Variants in VIRMA observed in about 807,000 individuals in gnomAD.
The protein encoded by VIRMA is vir like m6A methyltransferase associated.
VIRMA carries 65 observed loss-of-function variants against 182.4 expected under a neutral mutation model. The observed-to-expected ratio is 0.36, with a 90% CI of 0.29 to 0.44. The LOEUF (loss-of-function observed/expected upper bound fraction) is 0.44. Ranked by LOEUF, VIRMA falls within the 20% of genes least tolerant of loss-of-function variation. The probability of loss-of-function intolerance (pLI) is 1.00; values close to 1 mark genes in which losing one functional copy is unlikely to be tolerated. For synonymous variants in VIRMA, 709 were observed against 743.1 expected, an observed-to-expected ratio of 0.95 and a Z score of 0.75; for missense variants, 1,752 against 2,158.1, an observed-to-expected ratio of 0.81 and a Z score of 3.73.
At chr8:94,503,410 T>TA (rs1814057627) in intron 16 of VIRMA, among the ~76,000 whole-genome samples, 1 of 152,156 alleles carries the variant, frequency 6.6e-6, no homozygotes, top group South Asian at 2.1e-4. Context: ...CTCTGTAATA[T>TA]CCCTATCAAC....
intron 16 of VIRMA, among the ~76,000 whole-genome samples, chr8:94,500,945 T>G (rs1203443998): frequency 6.6e-6 from 1 of 151,914 alleles, no homozygotes; most frequent in African/African-American, 2.4e-5. Context: ...AGATATAATT[T>G]TTTAAAAAAT....
chr8:94,507,400 G>T (rs1282167046), intron 15 of VIRMA, among the ~76,000 whole-genome samples: 1 of 151,578 alleles, frequency 6.6e-6, no homozygotes, highest in African/African-American at 2.4e-5. Flanking sequence ...CTCCCAAAGT[G>T]CTGGGATTAC....
At chr8:94,551,204 A>G (rs529189904) in intron 1 of VIRMA, among the ~76,000 whole-genome samples, 164 of 152,370 alleles carry the variant, frequency 1.1e-3, no homozygotes, top group African/African-American at 3.4e-3. Context: ...GACCAAGTTC[A>G]TAAGCCAAAC....
intron 16 of VIRMA, among the ~76,000 whole-genome samples, chr8:94,500,226 C>T (rs537068223): frequency 1.3e-5 from 2 of 151,800 alleles, no homozygotes; most frequent in East Asian, 1.9e-4. Flanking sequence ...AGTAAAATCC[C>T]GTCTCTACTA....
rs6150715 is a variant in VIRMA at position 94,500,052 on chromosome 8, C to CAA, written c.4098-548_4098-547dup. Among the ~76,000 whole-genome samples, 170 of 82,400 alleles carry CAA rather than the reference C, an allele frequency of 2.1e-3. 2 individuals are homozygous for CAA. The highest frequency in any genetic ancestry group is 5.7e-3 in the African/African-American group (126 of 22,130). 54.1% of individuals were successfully genotyped at this position (82,400 alleles called of 152,430 possible). On this transcript the variant is annotated intron_variant, in intron 16 of 23. Coordinates refer to ENST00000297591, the MANE Select transcript of VIRMA (RefSeq NM_015496.5). Reference sequence around the variant, plus strand: ...TGAAGGACAGAGTGAGGCTTCATCTCAAAAAAAAAAAAAAAAAAAAAACTT... The same window carrying CAA: ...TGAAGGACAGAGTGAGGCTTCATCTCAAAAAAAAAAAAAAAAAAAAAAAACTT...
intron 8 of VIRMA, among the ~76,000 whole-genome samples, chr8:94,520,308 C>T (rs573099281): frequency 1.3e-5 from 2 of 151,616 alleles, no homozygotes; most frequent in Non-Finnish European, 2.9e-5. Flanking sequence ...CAGCCTTGAG[C>T]AATATAGTGA....
intron 23 of VIRMA, 27 bp downstream of exon 23, chr8:94,489,912 G>T: frequency 6.2e-7 from 1 of 1,606,820 alleles, no homozygotes; most frequent in Non-Finnish European, 8.5e-7. Context: ...CCTTCTCTCA[G>T]CAATATCAAG....
At position 94,488,643 on chromosome 8, in the gene VIRMA, T is replaced by C; in HGVS notation, c.*63A>G. The stretch of plus-strand genomic sequence containing the variant: ...TGCTAAGTCTAAATTGGTCCTTCAA[T>C]GTCTTATTTTTATTGTCCTCGTGAA... On this transcript the variant is annotated 3_prime_UTR_variant, in exon 24 of 24. Transcript: ENST00000297591. The C allele has an allele frequency of 6.6e-7, 1 of 1,506,670 alleles. No homozygotes were observed. Among genetic ancestry groups the C allele is most frequent in the Non-Finnish European group, 9.1e-7 (1 of 1,099,974 alleles). 93.3% of individuals were successfully genotyped at this position (1,506,670 alleles called of 1,614,324 possible).
chr8:94,513,198 C>T (rs1171895197), intron 11 of VIRMA, among the ~76,000 whole-genome samples: 3 of 151,926 alleles, frequency 2.0e-5, no homozygotes, highest in East Asian at 1.9e-4. Context: ...ATTAGCCAAG[C>T]GTGGTAGCAC....
chr8:94,514,955 A>G lies in VIRMA; in HGVS notation c.2669-4T>C. 1 of 1,449,018 alleles carries G rather than the reference A, an allele frequency of 6.9e-7. No individual in the cohort carries two copies. The highest frequency in any genetic ancestry group is 9.5e-7 in the Non-Finnish European group (1 of 1,055,986). The allele number at this position is 1,449,018 out of a possible 1,614,324, so 89.8% of individuals were successfully genotyped here. On this transcript the variant is annotated splice_polypyrimidine_tract_variant and splice_region_variant and intron_variant, in intron 10 of 23. Coordinates refer to ENST00000297591, the MANE Select transcript of VIRMA (RefSeq NM_015496.5). Reference sequence around the variant, plus strand: ...GGTTCAAGCCACTTGCCAAGTTCTTAAAAAGAAAAATAATTTATAATATTT... The same window carrying G: ...GGTTCAAGCCACTTGCCAAGTTCTTGAAAAGAAAAATAATTTATAATATTT...
intron 16 of VIRMA, among the ~76,000 whole-genome samples, chr8:94,502,785 A>C (rs1315486764): frequency 6.6e-6 from 1 of 152,104 alleles, no homozygotes; most frequent in Non-Finnish European, 1.5e-5. Flanking sequence ...ATTTTTTTTT[A>C]AGTCAGAGCT....
intron 22 of VIRMA, among the ~76,000 whole-genome samples, chr8:94,491,328 C>T (rs904277410): frequency 2.6e-5 from 4 of 151,490 alleles, no homozygotes; most frequent in African/African-American, 7.3e-5. Flanking sequence ...AAAAAAAGGC[C>T]GGGGGGAATA....
At chr8:94,541,407 A>G (rs750402313) in intron 2 of VIRMA, among the ~76,000 whole-genome samples, 1 of 152,008 alleles carries the variant, frequency 6.6e-6, no homozygotes, top group Non-Finnish European at 1.5e-5. Context: ...ACCAGAATAA[A>G]GGGATTAAAG....
rs2130303220 is a variant in VIRMA at position 94,509,797 on chromosome 8, G to A, written c.3770C>T (p.Ala1257Val). 6.2e-7 allele frequency: 1 copy of A among 1,614,014 alleles called. No homozygotes were observed. The highest frequency in any genetic ancestry group is 8.5e-7 in the Non-Finnish European group (1 of 1,179,916). ...AGCTAAAAGATCCTGGAATATCTCT[G>A]CATATCTTTCATCACCTTTAATAGT... The part of the protein sequence containing the change: ...NGTIKGDERY[A>V]EIFQDLLALV... The change falls in exon 15 of 24, where the codon GCA becomes GTA. Residue 1257 changes from alanine (A) to valine (V), a missense_variant. Ala to Val is a moderately conservative substitution (Grantham distance 64). Coordinates refer to ENST00000297591, the MANE Select transcript of VIRMA (RefSeq NM_015496.5).
chr8:94,491,121 CT>C (rs1563675839), intron 22 of VIRMA, among the ~76,000 whole-genome samples: 12 of 150,328 alleles, frequency 8.0e-5, no homozygotes, highest in African/African-American at 2.7e-4. Context: ...TGAGACTAGC[CT>C]GGCAAACACG....
chr8:94,503,255 G>GT (rs1197879551), intron 16 of VIRMA, among the ~76,000 whole-genome samples: 1 of 152,160 alleles, frequency 6.6e-6, no homozygotes, highest in East Asian at 1.9e-4. Flanking sequence ...AAAATATTTA[G>GT]TAATTAAAAA....
intron 2 of VIRMA, among the ~76,000 whole-genome samples, chr8:94,541,544 C>G (rs1815553967): frequency 1.3e-5 from 2 of 151,904 alleles, no homozygotes. Context: ...CTTCCTGGCT[C>G]TTTTTTCTTT....
intron 10 of VIRMA, among the ~76,000 whole-genome samples, chr8:94,515,538 A>G (rs1339440967): frequency 6.6e-6 from 1 of 151,436 alleles, no homozygotes; most frequent in East Asian, 2.0e-4. Context: ...CATCTGGCTA[A>G]TTTTTGTATT....
chr8:94,532,990 T>G (rs370221645), intron 5 of VIRMA, among the ~76,000 whole-genome samples: 1 of 152,050 alleles, frequency 6.6e-6, no homozygotes, highest in Non-Finnish European at 1.5e-5. Flanking sequence ...TTAAAAAAAT[T>G]TTTTAAATAA....
Sources: allele counts gnomAD v4.1 joint callset (sites outside exome capture counted in the v4.1 genomes callset), GRCh38; gene constraint gnomAD v4.1.1; transcripts MANE v1.5; gene names NCBI Gene and HGNC (gene_info 2026-07-23, HGNC 2026-07-21).